NUP210L: variants seen among roughly 807,000 people sequenced by gnomAD.
NUP210L encodes nuclear pore membrane glycoprotein 210-like.
In NUP210L, 74 loss-of-function variants were observed where a neutral mutation model predicts 208.5. That is an observed-to-expected ratio of 0.35 (90% CI 0.29 to 0.43). NUP210L has a LOEUF of 0.43. Ranked by LOEUF, NUP210L falls within the 20% of genes least tolerant of loss-of-function variation. The probability of loss-of-function intolerance (pLI) is 1.00; values close to 1 mark genes in which losing one functional copy is unlikely to be tolerated. For synonymous variants in NUP210L, 780 were observed against 816.9 expected (o/e 0.95, Z 0.77); for missense variants, 1,843 against 2,289.4 (o/e 0.81, Z 3.98).
intron 35 of NUP210L, among the ~76,000 whole-genome samples, chr1:154,003,600 T>C (rs769850546): frequency 2.0e-5 from 3 of 151,914 alleles, no homozygotes; most frequent in Admixed American, 6.6e-5. Context: ...ATTCTTGGGC[T>C]CAAGCAATCT....
At chr1:154,087,792 A>G (rs80286477) in intron 16 of NUP210L, among the ~76,000 whole-genome samples, 4,161 of 152,320 alleles carry the variant, frequency 0.027, 83 homozygotes, top group Middle Eastern at 0.082. Context: ...TACCATATCA[A>G]TGAAACTTGA....
chr1:154,117,823 C>T (rs1482309929), exon 12 of NUP210L: 1 of 1,610,360 alleles, frequency 6.2e-7, no homozygotes, highest in East Asian at 2.2e-5. Context: ...TTCGTGGTTA[C>T]TATGACCACT....
At chr1:154,153,844 T>A (rs1223525087) in intron 1 of NUP210L, among the ~76,000 whole-genome samples, 1 of 152,160 alleles carries the variant, frequency 6.6e-6, no homozygotes. Context: ...TCACACTGGA[T>A]CATCTTACAA....
At chr1:154,129,137 T>C (rs1249251894) in intron 8 of NUP210L, 140 bp downstream of exon 8, 1 of 569,026 alleles carries the variant, frequency 1.8e-6, no homozygotes, top group Admixed American at 3.5e-5. Context: ...AACAATTTGA[T>C]AAAACATGTC....
chr1:154,061,093 C>G (rs1436091327), intron 18 of NUP210L, 47 bp from the exon 19 acceptor site: 2 of 1,379,720 alleles, frequency 1.4e-6, no homozygotes, highest in African/African-American at 2.9e-5. Context: ...ACATCTAATT[C>G]TTGGCCGCCC....
chr1:154,015,280 TAAA>T (rs35604037), intron 33 of NUP210L, among the ~76,000 whole-genome samples: 29 of 133,150 alleles, frequency 2.2e-4, no homozygotes, highest in Admixed American at 2.3e-4. Flanking sequence ...TACTGGATGT[TAAA>T]AAAAAAAAAA....
At chr1:154,099,902 TC>T in intron 14 of NUP210L, 95 bp downstream of exon 14, 1 of 1,222,514 alleles carries the variant, frequency 8.2e-7, no homozygotes, top group Non-Finnish European at 1.2e-6. Flanking sequence ...ATGTCATTGA[TC>T]CTTAGTGGGG....
rs577502911 is a variant in NUP210L, at chr1:154,075,947, G to A, written c.2362-5482C>T. ...TGAGACTACAGGCATGCACCACCAT[G>A]CATGGCTAATTTTTGTATTTTTGCA... On this transcript the variant is annotated intron_variant, in intron 16 of 39. Transcript: ENST00000368559. Among the ~76,000 whole-genome samples the A allele has an allele frequency of 2.0e-5, 3 of 151,744 alleles. No individual in the cohort carries two copies. In the East Asian group the frequency reaches 5.8e-4, roughly 29 times the overall value.
chr1:154,026,068 CA>C lies in NUP210L; in HGVS notation c.3948-353del, dbSNP rs879541188. On this transcript the variant is annotated intron_variant, in intron 29 of 39. Transcript: ENST00000368559. ...TGAAACCCCGTCTTTACTAAAAATA[CA>C]AAAAAAAAAAAAATTTTTAGCTGGG... 4.2e-3 allele frequency among the ~76,000 whole-genome samples: 561 copies of C among 135,080 alleles called. 1 individual carries two copies. The highest frequency in any genetic ancestry group is 8.9e-3 in the East Asian group (42 of 4,706). The allele number at this position is 135,080 out of a possible 152,430, so 88.6% of individuals were successfully genotyped here.
intron 10 of NUP210L, among the ~76,000 whole-genome samples, chr1:154,120,466 G>A (rs553969943): frequency 2.6e-5 from 4 of 151,926 alleles, no homozygotes; most frequent in Admixed American, 6.6e-5. Flanking sequence ...ATCACACCCC[G>A]GAGCCTGTCA....
chr1:154,102,711 A>C (rs1662103848), intron 13 of NUP210L, among the ~76,000 whole-genome samples: 1 of 152,218 alleles, frequency 6.6e-6, no homozygotes, highest in African/African-American at 2.4e-5. Flanking sequence ...AATGGGGATC[A>C]GGATCAAATA....
intron 16 of NUP210L, among the ~76,000 whole-genome samples, chr1:154,074,716 C>A (rs1454784397): frequency 6.6e-6 from 1 of 152,118 alleles, no homozygotes; most frequent in Non-Finnish European, 1.5e-5. Context: ...GGTCTCGAAT[C>A]CTGACCTTGT....
chr1:154,025,540 A>G lies in NUP210L; in HGVS notation c.4122+2T>C. 1 of 1,602,510 alleles carries G rather than the reference A, an allele frequency of 6.2e-7. No individual in the cohort carries two copies. The highest frequency in any genetic ancestry group is 1.7e-5 in the Admixed American group (1 of 59,454). On this transcript the variant is annotated splice_donor_variant, in intron 30 of 39. Transcript: ENST00000368559. LOFTEE classifies it high-confidence loss of function. ...TTTTTTTTAGTAAGTCCATGAACTC[A>G]CCTGGACCCCAGTTATGGTTGTTTG...
At chr1:154,128,558 G>A (rs1413882803) in intron 8 of NUP210L, among the ~76,000 whole-genome samples, 1 of 151,398 alleles carries the variant, frequency 6.6e-6, no homozygotes, top group African/African-American at 2.4e-5. Flanking sequence ...CAGGTATAAA[G>A]AAACACTTTA....
At chr1:153,993,171 G>A (rs1268878481) in intron 38 of NUP210L, 82 bp from the exon 39 acceptor site, 3 of 857,446 alleles carry the variant, frequency 3.5e-6, no homozygotes, top group African/African-American at 1.7e-5. Context: ...TGAGAATATT[G>A]CTAAAAATAA....
Position 153,995,072 on chromosome 1 carries a change from C to T in NUP210L, c.5491+4G>A, listed in dbSNP as rs1649750940. On this transcript the variant is annotated splice_donor_region_variant and intron_variant, in intron 38 of 39. Coordinates refer to ENST00000368559, the Ensembl canonical transcript of NUP210L. Reference sequence around the variant, plus strand: ...GTCTATGTTATTGAATATAAGGACTCTACCTAGGAAGATGGAAGCTGTTGA... The same window carrying T: ...GTCTATGTTATTGAATATAAGGACTTTACCTAGGAAGATGGAAGCTGTTGA... 1 of 1,577,148 alleles carries T rather than the reference C, an allele frequency of 6.3e-7. No individual in the cohort carries two copies. The highest frequency in any genetic ancestry group is 8.7e-7 in the Non-Finnish European group (1 of 1,149,356).
Position 154,129,256 on chromosome 1 carries a change from G to C in NUP210L, c.1078+21C>G, listed in dbSNP as rs545737597. 4 of 1,502,394 alleles carry C rather than the reference G, an allele frequency of 2.7e-6. No homozygotes were observed. The African/African-American group carries it at 5.5e-5, about 21-fold the overall frequency. The allele number at this position is 1,502,394 out of a possible 1,614,324, so 93.1% of individuals were successfully genotyped here. A position where few individuals can be genotyped will look rare whatever the true frequency, so the allele number is the denominator to read the frequency against. ...AATCATTTAAGCTATCCACCTTTCT[G>C]AAAAGTATGATCTAAAATACCTAAA... On this transcript the variant is annotated intron_variant, in intron 8 of 39. Transcript: ENST00000368559.
intron 22 of NUP210L, among the ~76,000 whole-genome samples, chr1:154,057,605 A>G (rs550120219): frequency 1.5e-4 from 23 of 152,046 alleles, no homozygotes; most frequent in African/African-American, 5.3e-4. Flanking sequence ...CCCCCAAAAG[A>G]TATCATCCAA....
At chr1:154,104,346 A>G (rs1046928760) in intron 12 of NUP210L, 136 bp from the exon 13 acceptor site, 5 of 677,740 alleles carry the variant, frequency 7.4e-6, no homozygotes, top group Middle Eastern at 8.2e-4. Context: ...GACTATCCAT[A>G]CAAGAAGTCA....
Sources: gnomAD v4.1 joint callset for allele counts (sites outside exome capture counted in the v4.1 genomes callset) on GRCh38, gnomAD v4.1.1 for gene constraint, MANE v1.5 for transcripts, NCBI Gene and HGNC (gene_info 2026-07-23, HGNC 2026-07-21) for gene names.